Variants in GPC5 observed in about 807,000 individuals in gnomAD.
The protein encoded by GPC5 is glypican-5.
In GPC5, 47 loss-of-function variants were observed where a neutral mutation model predicts 53.9. That is an observed-to-expected ratio of 0.87 (90% CI 0.69 to 1.11). The LOEUF (loss-of-function observed/expected upper bound fraction) is 1.11, where lower values mean the gene tolerates loss of function less well. Ranked by LOEUF, GPC5 falls within the 50% of genes most tolerant of loss-of-function variation. The probability of loss-of-function intolerance (pLI) is 0.00; values close to 1 mark genes in which losing one functional copy is unlikely to be tolerated. For missense variants in GPC5, 748 were observed against 713.1 expected (o/e 1.05, Z -0.56); for synonymous variants, 286 against 263.3 (o/e 1.09, Z -0.84).
chr13:91,717,681 C>G (rs1000727656), intron 3 of GPC5, among the ~76,000 whole-genome samples: 3 of 152,036 alleles, frequency 2.0e-5, no homozygotes, highest in Non-Finnish European at 2.9e-5. Flanking sequence ...CTCAGCCTCC[C>G]GAGTAGCTGG....
intron 4 of GPC5, among the ~76,000 whole-genome samples, chr13:91,734,938 T>G (rs2140039508): frequency 6.6e-6 from 1 of 151,270 alleles, no homozygotes; most frequent in South Asian, 2.1e-4. Context: ...TCTACTAGAT[T>G]TTTTTTCAGA....
intron 6 of GPC5, among the ~76,000 whole-genome samples, chr13:92,124,286 T>C (rs1007814662): frequency 4.4e-4 from 63 of 141,686 alleles, no homozygotes; most frequent in African/African-American, 1.5e-3. Context: ...AGTTCTCTCA[T>C]ATTATTCTTT....
At chr13:91,758,985 C>T (rs2037352709) in intron 5 of GPC5, among the ~76,000 whole-genome samples, 1 of 152,084 alleles carries the variant, frequency 6.6e-6, no homozygotes, top group South Asian at 2.1e-4. Context: ...GAGCCTCACA[C>T]ACTCCTACCA....
At chr13:91,826,944 A>AG (rs1395110346) in intron 5 of GPC5, among the ~76,000 whole-genome samples, 1 of 151,884 alleles carries the variant, frequency 6.6e-6, no homozygotes, top group African/African-American at 2.4e-5. Flanking sequence ...GGGAGTGGGG[A>AG]GGGGGAAATA....
chr13:92,631,065 T>A (rs1885219140), intron 7 of GPC5, among the ~76,000 whole-genome samples: 1 of 152,122 alleles, frequency 6.6e-6, no homozygotes, highest in Admixed American at 6.5e-5. Flanking sequence ...AACATAAACA[T>A]AAAATATATC....
chr13:92,417,850 C>T (rs1876382618), intron 7 of GPC5, among the ~76,000 whole-genome samples: 1 of 152,116 alleles, frequency 6.6e-6, no homozygotes, highest in South Asian at 2.1e-4. Context: ...GAAATTGCAC[C>T]ACTGCATTCT....
chr13:92,739,868 A>C (rs1270112737), intron 7 of GPC5, among the ~76,000 whole-genome samples: 4 of 152,120 alleles, frequency 2.6e-5, no homozygotes, highest in East Asian at 3.9e-4. Flanking sequence ...CAAACAAAAA[A>C]ACACTAGAAA....
intron 7 of GPC5, among the ~76,000 whole-genome samples, chr13:92,693,211 A>T (rs1406275504): frequency 6.6e-6 from 1 of 152,108 alleles, no homozygotes; most frequent in Admixed American, 6.6e-5. Flanking sequence ...CTTTATAGCA[A>T]TGTGAAATGG....
chr13:92,158,614 C>T (rs571676492), intron 7 of GPC5, among the ~76,000 whole-genome samples: 3 of 152,038 alleles, frequency 2.0e-5, no homozygotes, highest in African/African-American at 7.2e-5. Context: ...TTAATAAGAC[C>T]CATTGCCTTT....
intron 7 of GPC5, among the ~76,000 whole-genome samples, chr13:92,762,571 T>C (rs566576337): frequency 1.3e-5 from 2 of 152,288 alleles, no homozygotes; most frequent in South Asian, 4.1e-4. Flanking sequence ...AAGTTGAACA[T>C]GTCTGGAGTC....
intron 5 of GPC5, among the ~76,000 whole-genome samples, chr13:91,812,655 AT>A (rs2138808213): frequency 6.6e-6 from 1 of 152,248 alleles, no homozygotes; most frequent in Admixed American, 6.5e-5. Context: ...ATTCTTCAGT[AT>A]TTCACAGTTT....
intron 2 of GPC5, among the ~76,000 whole-genome samples, chr13:91,645,058 C>T (rs546950922): frequency 1.3e-5 from 2 of 152,274 alleles, no homozygotes; most frequent in South Asian, 2.1e-4. Context: ...AATTGAGAAA[C>T]TTTGCTTTCA....
intron 6 of GPC5, among the ~76,000 whole-genome samples, chr13:92,086,159 C>T (rs1213240629): frequency 6.6e-6 from 1 of 152,206 alleles, no homozygotes; most frequent in Non-Finnish European, 1.5e-5. Flanking sequence ...TGGCATTGTC[C>T]TAACCCTGCA....
intron 7 of GPC5, among the ~76,000 whole-genome samples, chr13:92,801,185 G>C (rs1227864835): frequency 6.6e-6 from 1 of 151,430 alleles, no homozygotes; most frequent in Non-Finnish European, 1.5e-5. Context: ...ACACATGTGT[G>C]CTTGTTTATA....
intron 7 of GPC5, among the ~76,000 whole-genome samples, chr13:92,327,300 T>A (rs1369293187): frequency 6.6e-6 from 1 of 152,178 alleles, no homozygotes; most frequent in African/African-American, 2.4e-5. Context: ...ATTTATCTTT[T>A]GAAAACACTT....
chr13:91,815,093 T>C (rs1435971477), intron 5 of GPC5, among the ~76,000 whole-genome samples: 1 of 152,096 alleles, frequency 6.6e-6, no homozygotes, highest in Non-Finnish European at 1.5e-5. Flanking sequence ...AAGCTGGGTA[T>C]GGTGGCTCAC....
chr13:92,710,404 A>G (rs965860576), intron 7 of GPC5, among the ~76,000 whole-genome samples: 2 of 152,232 alleles, frequency 1.3e-5, no homozygotes, highest in Non-Finnish European at 2.9e-5. Flanking sequence ...AAAGAAAAAA[A>G]GTTTTTAAAA....
At chr13:92,031,451 A>G (rs1325585558) in intron 6 of GPC5, among the ~76,000 whole-genome samples, 1 of 151,600 alleles carries the variant, frequency 6.6e-6, no homozygotes, top group Non-Finnish European at 1.5e-5. Flanking sequence ...TCTTTAAGGA[A>G]TCTTCACACT....
intron 7 of GPC5, among the ~76,000 whole-genome samples, chr13:92,497,247 T>G (rs2138924641): frequency 6.6e-6 from 1 of 152,284 alleles, no homozygotes; most frequent in Non-Finnish European, 1.5e-5. Flanking sequence ...GGTTATACAT[T>G]TTAAGTCTTT....
Sources: gnomAD v4.1 joint callset for allele counts (sites outside exome capture counted in the v4.1 genomes callset) on GRCh38, gnomAD v4.1.1 for gene constraint, MANE v1.5 for transcripts, NCBI Gene and HGNC (gene_info 2026-07-23, HGNC 2026-07-21) for gene names.